The following EXOC4 variants were observed in gnomAD, a reference collection of about 807,000 sequenced individuals.
The protein encoded by EXOC4 is SEC8-like 1.
Under a neutral mutation model 107.2 loss-of-function variants are expected in EXOC4, and 71 were observed. The observed-to-expected ratio is 0.66, with a 90% CI of 0.55 to 0.81. The LOEUF is 0.81. EXOC4 is among the 30% of genes least tolerant of loss of function. EXOC4 has a pLI of 0.00. For synonymous variants in EXOC4, 456 were observed against 441.2 expected (o/e 1.03, Z -0.42); for missense variants, 1,108 against 1,189.6 (o/e 0.93, Z 1.01).
intron 10 of EXOC4, among the ~76,000 whole-genome samples, chr7:133,657,596 C>A (rs1306874572): frequency 2.6e-5 from 4 of 152,046 alleles, no homozygotes; most frequent in African/African-American, 9.7e-5. Flanking sequence ...CAGTGTGGAT[C>A]CTACCTTGGT....
intron 9 of EXOC4, among the ~76,000 whole-genome samples, chr7:133,588,623 T>C (rs1053548449): frequency 6.6e-6 from 1 of 152,190 alleles, no homozygotes; most frequent in Non-Finnish European, 1.5e-5. Context: ...CCGGGTGTGG[T>C]GGCTCATGCC....
chr7:133,550,701 G>T (rs1178965551), intron 9 of EXOC4, among the ~76,000 whole-genome samples: 4 of 152,066 alleles, frequency 2.6e-5, no homozygotes, highest in Non-Finnish European at 4.4e-5. Flanking sequence ...ATACTGTCCA[G>T]AGTTCCCTAA....
chr7:133,278,971 C>G (rs991760756), intron 2 of EXOC4, among the ~76,000 whole-genome samples: 3 of 151,018 alleles, frequency 2.0e-5, no homozygotes, highest in African/African-American at 7.4e-5. Context: ...CCTCCCCACT[C>G]CCCCCACCCC....
At chr7:133,726,299 G>T (rs1795213559) in intron 10 of EXOC4, among the ~76,000 whole-genome samples, 1 of 152,182 alleles carries the variant, frequency 6.6e-6, no homozygotes, top group African/African-American at 2.4e-5. Context: ...AGAAAGTGAT[G>T]TTTTAGCAGC....
At chr7:133,413,332 C>T (rs1350614448) in intron 7 of EXOC4, among the ~76,000 whole-genome samples, 2 of 148,720 alleles carry the variant, frequency 1.3e-5, no homozygotes, top group African/African-American at 5.3e-5. Context: ...ATCCAAAGGA[C>T]TTACCAGGGG....
At chr7:133,255,602 G>A (rs937399829) in intron 1 of EXOC4, among the ~76,000 whole-genome samples, 1 of 152,202 alleles carries the variant, frequency 6.6e-6, no homozygotes, top group African/African-American at 2.4e-5. Context: ...TAAGGCTTGG[G>A]ATGCATTGTT....
At chr7:134,010,442 C>G (rs1794737139) in intron 17 of EXOC4, among the ~76,000 whole-genome samples, 1 of 152,126 alleles carries the variant, frequency 6.6e-6, no homozygotes, top group Admixed American at 6.6e-5. Flanking sequence ...GTCTCTTTCC[C>G]TCTCATTTTT....
At chr7:133,975,962 C>T (rs1172998392) in intron 14 of EXOC4, among the ~76,000 whole-genome samples, 1 of 152,126 alleles carries the variant, frequency 6.6e-6, no homozygotes, top group Non-Finnish European at 1.5e-5. Context: ...TATTGTGTAG[C>T]ATTCAGAGAA....
chr7:133,370,311 T>C (rs1450029803), intron 6 of EXOC4, among the ~76,000 whole-genome samples: 1 of 152,012 alleles, frequency 6.6e-6, no homozygotes, highest in Non-Finnish European at 1.5e-5. Context: ...TTTTAATTTT[T>C]ATATTTTTAT....
intron 9 of EXOC4, among the ~76,000 whole-genome samples, chr7:133,573,699 T>C (rs985706319): frequency 6.6e-6 from 1 of 152,186 alleles, no homozygotes; most frequent in African/African-American, 2.4e-5. Context: ...CCAGGCTCTG[T>C]TGTGCAGTGG....
chr7:133,462,583 A>G (rs970464281), intron 7 of EXOC4, among the ~76,000 whole-genome samples: 2 of 152,212 alleles, frequency 1.3e-5, no homozygotes, highest in African/African-American at 2.4e-5. Context: ...AACTCTGATT[A>G]GTAACATCTG....
At chr7:133,355,544 T>A (rs1199867094) in intron 5 of EXOC4, among the ~76,000 whole-genome samples, 2 of 152,126 alleles carry the variant, frequency 1.3e-5, no homozygotes, top group African/African-American at 2.4e-5. Context: ...TTCTCCCCTC[T>A]CTCCAACTTG....
At chr7:133,576,826 G>C in intron 9 of EXOC4, 5 of 1,289,542 alleles carry the variant, frequency 3.9e-6, no homozygotes, top group Non-Finnish European at 5.1e-6. Context: ...TGAACTCCTC[G>C]AGATTTAGGG....
intron 10 of EXOC4, among the ~76,000 whole-genome samples, chr7:133,636,567 C>A (rs2151020651): frequency 6.6e-6 from 1 of 152,280 alleles, no homozygotes; most frequent in Middle Eastern, 3.4e-3. Flanking sequence ...AACCAAAGAA[C>A]AGTTGTTTGC....
rs112970523 is a variant in EXOC4 at position 133,408,439 on chromosome 7, G to C, written c.1182+33437G>C. 2.0e-3 allele frequency among the ~76,000 whole-genome samples: 300 copies of C among 151,358 alleles called. 2 individuals carry two copies. Among genetic ancestry groups the C allele is most frequent in the African/African-American group, 7.0e-3 (288 of 41,198 alleles). ...AGAGAGGTTGGTGATGGTGGAGTGGGATTGGTGATGGTAGAGATGATGGTG... is the reference window on the plus strand; with the variant it reads ...AGAGAGGTTGGTGATGGTGGAGTGGCATTGGTGATGGTAGAGATGATGGTG... On this transcript the variant is annotated intron_variant, in intron 7 of 17. Transcript: ENST00000253861.
At chr7:133,484,045 C>A in intron 9 of EXOC4, 1 of 1,613,862 alleles carries the variant, frequency 6.2e-7, no homozygotes, top group African/African-American at 1.3e-5. Flanking sequence ...TGCAGGGTAG[C>A]GGCGAAGAAA....
intron 17 of EXOC4, among the ~76,000 whole-genome samples, chr7:134,013,670 T>C (rs1585321882): frequency 6.6e-6 from 1 of 152,218 alleles, no homozygotes; most frequent in Non-Finnish European, 1.5e-5. Context: ...TTTCTGTGAA[T>C]CCAAAACTAT....
chr7:133,701,710 T>G (rs766888686), intron 10 of EXOC4, among the ~76,000 whole-genome samples: 5 of 152,204 alleles, frequency 3.3e-5, no homozygotes, highest in Non-Finnish European at 7.3e-5. Context: ...TCTGATTTTT[T>G]TCAGATTTTG....
chr7:133,745,432 G>T (rs1795653241), intron 10 of EXOC4, among the ~76,000 whole-genome samples: 1 of 151,934 alleles, frequency 6.6e-6, no homozygotes. Flanking sequence ...TTCTAGCATT[G>T]TTATCAATAT....
Sources: allele counts gnomAD v4.1 joint callset (sites outside exome capture counted in the v4.1 genomes callset), GRCh38; gene constraint gnomAD v4.1.1; transcripts MANE v1.5; gene names NCBI Gene and HGNC (gene_info 2026-07-23, HGNC 2026-07-21).